LMCD1: variants seen among roughly 807,000 people sequenced by gnomAD.
LMCD1 encodes LIM and cysteine-rich domains protein 1.
In LMCD1, 32 loss-of-function variants were observed where a neutral mutation model predicts 42.7. That is an observed-to-expected ratio of 0.75 (90% CI 0.57 to 1.01). The LOEUF is 1.01. Among genes scored for constraint, LMCD1 ranks in the 50% least tolerant of loss-of-function variants. The probability of loss-of-function intolerance (pLI) is 0.00; values close to 1 mark genes in which losing one functional copy is unlikely to be tolerated. For missense variants in LMCD1, 458 were observed against 483.1 expected (o/e 0.95, Z 0.49); for synonymous variants, 178 against 184.9 (o/e 0.96, Z 0.30).
At chr3:8,526,911 A>G (rs1334932877) in intron 1 of LMCD1, among the ~76,000 whole-genome samples, 2 of 152,226 alleles carry the variant, frequency 1.3e-5, no homozygotes, top group African/African-American at 4.8e-5. Flanking sequence ...TGAGGTTTAG[A>G]TGAGCATAAG....
rs936127852 is a variant in LMCD1 at position 8,537,454 on chromosome 3, C to T, written c.387+14C>T. 4 of 1,543,682 alleles carry T rather than the reference C, an allele frequency of 2.6e-6. No individual in the cohort carries two copies. The highest frequency in any genetic ancestry group is 2.6e-6 in the Non-Finnish European group (3 of 1,144,146). Reference sequence around the variant, plus strand: ...ACCCAGAAACTGGTAAGAGAGCTTCCCCAACCAAGCAGTTGTTTTCCTATC... The same window carrying T: ...ACCCAGAAACTGGTAAGAGAGCTTCTCCAACCAAGCAGTTGTTTTCCTATC... On this transcript the variant is annotated intron_variant, in intron 3 of 5. Transcript: ENST00000157600.
chr3:8,507,818 C>A (rs187757827), intron 1 of LMCD1, among the ~76,000 whole-genome samples: 293 of 152,322 alleles, frequency 1.9e-3, no homozygotes, highest in Non-Finnish European at 3.5e-3. Flanking sequence ...TCTTTTCACT[C>A]TGCAAGAAAC....
chr3:8,564,699 G>A (rs1461625615), intron 4 of LMCD1, among the ~76,000 whole-genome samples: 1 of 152,216 alleles, frequency 6.6e-6, no homozygotes, highest in Admixed American at 6.5e-5. Context: ...TGTGCTTTCA[G>A]ATTTCACACT....
intron 1 of LMCD1, among the ~76,000 whole-genome samples, chr3:8,506,273 A>G (rs1385110976): frequency 6.6e-6 from 1 of 152,176 alleles, no homozygotes; most frequent in African/African-American, 2.4e-5. Flanking sequence ...ATTTGCTCAG[A>G]GCTTACCAAC....
At chr3:8,552,995 GTATT>G (rs1694867658) in intron 4 of LMCD1, among the ~76,000 whole-genome samples, 1 of 152,166 alleles carries the variant, frequency 6.6e-6, no homozygotes, top group Non-Finnish European at 1.5e-5. Flanking sequence ...GGTTATGTAT[GTATT>G]TATTTATGTG....
intron 3 of LMCD1, among the ~76,000 whole-genome samples, chr3:8,539,705 C>A (rs942302521): frequency 6.6e-6 from 1 of 151,982 alleles, no homozygotes; most frequent in African/African-American, 2.4e-5. Flanking sequence ...CTGTAAAGAA[C>A]CCCTCTGTCT....
intron 1 of LMCD1, among the ~76,000 whole-genome samples, chr3:8,519,330 A>G (rs1039058034): frequency 6.6e-6 from 1 of 152,242 alleles, no homozygotes; most frequent in African/African-American, 2.4e-5. Flanking sequence ...GTATGTGGGC[A>G]GGCTCAGAAG....
intron 1 of LMCD1, among the ~76,000 whole-genome samples, chr3:8,518,482 C>T (rs137882585): frequency 7.1e-4 from 108 of 152,248 alleles, no homozygotes; most frequent in African/African-American, 2.5e-3. Context: ...AAACTAGAAA[C>T]GGACCACTTG....
intron 1 of LMCD1, among the ~76,000 whole-genome samples, chr3:8,506,242 A>G (rs1427091686): frequency 4.6e-5 from 7 of 152,212 alleles, no homozygotes; most frequent in Non-Finnish European, 1.0e-4. Flanking sequence ...TAATCTAAGC[A>G]TCTCAGCTCC....
intron 3 of LMCD1, among the ~76,000 whole-genome samples, chr3:8,543,393 TA>T: frequency 1.1e-5 from 1 of 91,846 alleles, no homozygotes; most frequent in East Asian, 2.1e-4. Context: ...GATAGATAGA[TA>T]GATGATAGAT....
chr3:8,502,274 TATAA>T (rs1159942658), intron 1 of LMCD1, among the ~76,000 whole-genome samples: 1 of 76,408 alleles, frequency 1.3e-5, no homozygotes, highest in Non-Finnish European at 2.4e-5. Flanking sequence ...AAAATATATA[TATAA>T]AATATATATA....
chr3:8,501,988 G>A lies in LMCD1; in HGVS notation c.42+8G>A. 6.3e-7 allele frequency: 1 copy of A among 1,587,000 alleles called. No homozygotes were observed. On this transcript the variant is annotated splice_region_variant and intron_variant, in intron 1 of 5. Coordinates refer to ENST00000157600, the MANE Select transcript of LMCD1 (RefSeq NM_014583.4). The stretch of plus-strand genomic sequence containing the variant: ...AACCCAGGAGTTAAAAAGGTGAGTG[G>A]AAAGCTGTTTGTATTTACCCAGATT...
At chr3:8,510,954 A>G (rs1231851457) in intron 1 of LMCD1, among the ~76,000 whole-genome samples, 7 of 152,236 alleles carry the variant, frequency 4.6e-5, no homozygotes, top group Admixed American at 3.3e-4. Context: ...ACAAATATAC[A>G]CATCTATGCA....
intron 1 of LMCD1, among the ~76,000 whole-genome samples, chr3:8,523,443 G>A (rs141817662): frequency 6.6e-6 from 1 of 152,328 alleles, no homozygotes; most frequent in East Asian, 1.9e-4. Flanking sequence ...CTTTGTTGCT[G>A]TCTGTGTGAG....
At chr3:8,547,094 C>T (rs111805517) in intron 3 of LMCD1, among the ~76,000 whole-genome samples, 1 of 152,122 alleles carries the variant, frequency 6.6e-6, no homozygotes, top group Non-Finnish European at 1.5e-5. Context: ...CCACTGCCAT[C>T]CAAAATTGAA....
intron 1 of LMCD1, among the ~76,000 whole-genome samples, chr3:8,510,515 T>A (rs546071737): frequency 1.5e-4 from 23 of 152,368 alleles, no homozygotes; most frequent in African/African-American, 5.5e-4. Flanking sequence ...TTGCATTTTT[T>A]ATCCCTAACC....
chr3:8,574,317 G>C lies in LMCD1; in HGVS notation c.*6719G>C, dbSNP rs1299462681. ...GCCAACCACTGTGGGGAAGGGGGAGGGATTAGAAAAGACAGCCACACCCAA... is the reference window on the plus strand; with the variant it reads ...GCCAACCACTGTGGGGAAGGGGGAGCGATTAGAAAAGACAGCCACACCCAA... On this transcript the variant is annotated 3_prime_UTR_variant, in exon 6 of 6. Transcript: ENST00000157600. 6.6e-6 allele frequency: 1 copy of C among 152,178 alleles called. No homozygotes were observed. The highest frequency in any genetic ancestry group is 2.4e-5 in the African/African-American group (1 of 41,398). The allele number at this position is 152,178 out of a possible 1,614,324, so 9.4% of individuals were successfully genotyped here.
rs554282311 is a variant in LMCD1 at position 8,567,529 on chromosome 3, C to T, written c.1029C>T (p.Ser343=). The change falls in exon 6 of 6, where the codon AGC becomes AGT. Residue 343 remains serine (S), a synonymous_variant. Coordinates refer to ENST00000157600, the MANE Select transcript of LMCD1 (RefSeq NM_014583.4). Reference sequence around the variant, plus strand: ...GTGAGGGTTGTGAGCAGCTGCTGAGCGGCCGGGCGTACATCGTCACCAAGG... The same window carrying T: ...GTGAGGGTTGTGAGCAGCTGCTGAGTGGCCGGGCGTACATCGTCACCAAGG... ...FVCEGCEQLL[S]GRAYIVTKGQ... is the part of the protein sequence containing the mutation. The T allele has an allele frequency of 2.2e-4, 349 of 1,613,786 alleles. 3 individuals carry two copies. In the South Asian group the frequency reaches 2.5e-3, roughly 12 times the overall value.
intron 3 of LMCD1, among the ~76,000 whole-genome samples, chr3:8,538,636 G>T (rs188540097): frequency 1.7e-3 from 259 of 152,326 alleles, no homozygotes; most frequent in Middle Eastern, 3.4e-3. Context: ...TTTCTGAAAG[G>T]TTCTTTCCTT....
Sources: gnomAD v4.1 joint callset for allele counts (sites outside exome capture counted in the v4.1 genomes callset) on GRCh38, gnomAD v4.1.1 for gene constraint, MANE v1.5 for transcripts, NCBI Gene and HGNC (gene_info 2026-07-23, HGNC 2026-07-21) for gene names.